The following WDR7 variants were observed in gnomAD, a reference collection of about 807,000 sequenced individuals.
WDR7 encodes WD repeat-containing protein 7.
In WDR7, 46 loss-of-function variants were observed where a neutral mutation model predicts 169.4. That is an observed-to-expected ratio of 0.27 (90% CI 0.21 to 0.35). The LOEUF (loss-of-function observed/expected upper bound fraction) is 0.35. Among genes scored for constraint, WDR7 ranks in the 10% least tolerant of loss-of-function variants. The pLI is 1.00. For missense variants in WDR7, 1,534 were observed against 1,859.3 expected (o/e 0.83, Z 3.22); for synonymous variants, 612 against 666.8 (o/e 0.92, Z 1.27).
In WDR7 at chr18:56,846,147, T is replaced by C. The variant is rs560984344; in HGVS notation, c.3304+30003T>C. Reference sequence around the variant, plus strand: ...ATACTTTTATTTTCTAAAGAGATTATGTGATAAGGTTTGGATATTTGTCTC... The same window carrying C: ...ATACTTTTATTTTCTAAAGAGATTACGTGATAAGGTTTGGATATTTGTCTC... On this transcript the variant is annotated intron_variant, in intron 20 of 27. Transcript: ENST00000254442. Among the ~76,000 whole-genome samples the C allele has an allele frequency of 2.4e-4, 37 of 152,302 alleles. 1 individual carries two copies. The South Asian group carries it at 7.4e-3, about 31-fold the overall frequency.
At chr18:56,825,488 C>T (rs1490965571) in intron 20 of WDR7, among the ~76,000 whole-genome samples, 2 of 152,142 alleles carry the variant, frequency 1.3e-5, no homozygotes, top group African/African-American at 4.8e-5. Context: ...ATTATTGCTT[C>T]CGTTTTACAG....
intron 21 of WDR7, among the ~76,000 whole-genome samples, chr18:56,920,675 A>G (rs907677230): frequency 1.6e-4 from 24 of 152,328 alleles, no homozygotes; most frequent in African/African-American, 5.8e-4. Flanking sequence ...ATACTGTGGA[A>G]TAGTGGTCCA....
chr18:56,824,613 CT>C (rs1217946466), intron 20 of WDR7, among the ~76,000 whole-genome samples: 1 of 152,198 alleles, frequency 6.6e-6, no homozygotes, highest in Non-Finnish European at 1.5e-5. Context: ...CCCTGCCCAT[CT>C]TCTTAGTGGC....
chr18:56,871,247 C>T (rs761427731), intron 20 of WDR7, among the ~76,000 whole-genome samples: 9 of 152,144 alleles, frequency 5.9e-5, no homozygotes, highest in Non-Finnish European at 1.0e-4. Context: ...TAAGTTTGCT[C>T]TTGCTCTTTA....
chr18:57,022,645 C>G (rs1051495163), intron 27 of WDR7, among the ~76,000 whole-genome samples: 3 of 152,094 alleles, frequency 2.0e-5, no homozygotes, highest in Non-Finnish European at 4.4e-5. Flanking sequence ...ATCTTTTTCC[C>G]CTAAGATCTT....
intron 21 of WDR7, among the ~76,000 whole-genome samples, chr18:56,888,121 A>C (rs954594081): frequency 1.3e-5 from 2 of 152,220 alleles, no homozygotes; most frequent in Non-Finnish European, 2.9e-5. Flanking sequence ...GCATTCTGTG[A>C]AAACCCATAA....
chr18:56,904,941 T>C (rs1341965298), intron 21 of WDR7, among the ~76,000 whole-genome samples: 2 of 152,016 alleles, frequency 1.3e-5, no homozygotes, highest in African/African-American at 4.8e-5. Flanking sequence ...AGGCAAAAAA[T>C]TGACCCGAAG....
At chr18:56,816,485 A>G (rs973343225) in intron 20 of WDR7, among the ~76,000 whole-genome samples, 5 of 152,204 alleles carry the variant, frequency 3.3e-5, no homozygotes, top group African/African-American at 1.2e-4. Flanking sequence ...AAGATTTTGC[A>G]ACTATCAGGT....
At chr18:56,761,679 A>G (rs542532688) in intron 16 of WDR7, among the ~76,000 whole-genome samples, 1 of 151,908 alleles carries the variant, frequency 6.6e-6, no homozygotes, top group African/African-American at 2.4e-5. Context: ...ATATGGTTTT[A>G]TGTGTAGAGG....
At chr18:56,952,478 A>C (rs914951522) in intron 25 of WDR7, among the ~76,000 whole-genome samples, 1 of 152,238 alleles carries the variant, frequency 6.6e-6, no homozygotes, top group African/African-American at 2.4e-5. Flanking sequence ...GGGCTATATG[A>C]ATGCTGCAGC....
chr18:56,801,377 T>TG (rs199971617), intron 19 of WDR7, among the ~76,000 whole-genome samples: 2,380 of 152,340 alleles, frequency 0.016, 25 homozygotes, highest in Middle Eastern at 0.051. Context: ...AGTGAGGTTA[T>TG]GTCCTACATT....
intron 4 of WDR7, among the ~76,000 whole-genome samples, chr18:56,682,140 A>G (rs1274524112): frequency 6.6e-6 from 1 of 152,226 alleles, no homozygotes; most frequent in Admixed American, 6.5e-5. Flanking sequence ...ACACCCTTAC[A>G]TATTAAATAG....
At chr18:56,692,506 C>T (rs888969824) in intron 9 of WDR7, among the ~76,000 whole-genome samples, 3 of 145,828 alleles carry the variant, frequency 2.1e-5, no homozygotes, top group African/African-American at 7.6e-5. Flanking sequence ...TTACGTCTCA[C>T]GTTTATGTGG....
At chr18:56,968,919 A>C (rs75048394) in intron 26 of WDR7, among the ~76,000 whole-genome samples, 1 of 152,108 alleles carries the variant, frequency 6.6e-6, no homozygotes, top group African/African-American at 2.4e-5. Flanking sequence ...TTATCACTCT[A>C]CTGCCCAGGA....
At chr18:56,983,834 A>T (rs1429972794) in intron 26 of WDR7, among the ~76,000 whole-genome samples, 1 of 152,220 alleles carries the variant, frequency 6.6e-6, no homozygotes, top group African/African-American at 2.4e-5. Context: ...AACAGATAAT[A>T]TTCCTTTAAA....
At chr18:56,692,594 A>C (rs2144624630) in intron 9 of WDR7, among the ~76,000 whole-genome samples, 1 of 152,220 alleles carries the variant, frequency 6.6e-6, no homozygotes, top group Middle Eastern at 3.4e-3. Context: ...ATGTACAATT[A>C]AGATCATCTT....
At chr18:57,011,916 T>A (rs1276694105) in intron 26 of WDR7, among the ~76,000 whole-genome samples, 1 of 152,240 alleles carries the variant, frequency 6.6e-6, no homozygotes, top group Admixed American at 6.5e-5. Flanking sequence ...CTAACTCTAA[T>A]TATCCTTTAC....
chr18:56,965,442 T>TC (rs2047395496), intron 26 of WDR7, among the ~76,000 whole-genome samples: 1 of 150,920 alleles, frequency 6.6e-6, no homozygotes, highest in African/African-American at 2.5e-5. Flanking sequence ...TTCTGCCTTT[T>TC]TTTTTTTAAT....
intron 16 of WDR7, among the ~76,000 whole-genome samples, chr18:56,768,492 G>T (rs995750438): frequency 2.6e-5 from 4 of 152,098 alleles, no homozygotes; most frequent in Non-Finnish European, 4.4e-5. Context: ...AACAACTCTT[G>T]TTAGGGAGGT....
Sources: allele counts gnomAD v4.1 joint callset (sites outside exome capture counted in the v4.1 genomes callset), GRCh38; gene constraint gnomAD v4.1.1; transcripts MANE v1.5; gene names NCBI Gene and HGNC (gene_info 2026-07-23, HGNC 2026-07-21).